HSD17B12: variants seen among roughly 807,000 people sequenced by gnomAD.
HSD17B12 encodes very-long-chain 3-oxoacyl-CoA reductase.
HSD17B12 carries 32 observed loss-of-function variants against 39.3 expected under a neutral mutation model. The observed-to-expected ratio is 0.81, with a 90% CI of 0.61 to 1.09. HSD17B12 has a LOEUF of 1.09. HSD17B12 is among the 50% of genes least tolerant of loss of function. The pLI, the probability that HSD17B12 is intolerant of heterozygous loss-of-function variation, is 0.00. For missense variants in HSD17B12, 342 were observed against 382.9 expected, an observed-to-expected ratio of 0.89 and a Z score of 0.89; for synonymous variants, 150 against 146.7, an observed-to-expected ratio of 1.02 and a Z score of -0.16.
At chr11:43,663,310 G>C in the HSD17B12 span, among the ~76,000 whole-genome samples, 1 of 152,158 alleles carries the variant, frequency 6.6e-6, no homozygotes, top group Non-Finnish European at 1.5e-5. Flanking sequence ...ATGTTGGCCA[G>C]GCTGGTCTCA....
the HSD17B12 span, among the ~76,000 whole-genome samples, chr11:43,563,052 G>A: frequency 6.6e-6 from 1 of 152,176 alleles, no homozygotes; most frequent in Non-Finnish European, 1.5e-5. Context: ...TCTGGAGGCA[G>A]GTATCACTAT....
chr11:43,781,136 C>T (rs771491069), intron 3 of HSD17B12, among the ~76,000 whole-genome samples: 2 of 152,126 alleles, frequency 1.3e-5, no homozygotes, highest in Non-Finnish European at 2.9e-5. Flanking sequence ...TATAAAATTT[C>T]CTCTGAATTC....
chr11:43,762,023 CA>C (rs1950559306), intron 3 of HSD17B12, among the ~76,000 whole-genome samples: 1 of 152,124 alleles, frequency 6.6e-6, no homozygotes, highest in South Asian at 2.1e-4. Context: ...TTGGAAAATA[CA>C]ATCTGCCAGT....
At chr11:43,836,498 C>T (rs1293628784) in intron 7 of HSD17B12, among the ~76,000 whole-genome samples, 2 of 152,052 alleles carry the variant, frequency 1.3e-5, no homozygotes, top group East Asian at 3.9e-4. Context: ...AAATATTTTT[C>T]TCTCTCTTTT....
At chr11:43,737,420 A>G (rs1950326609) in intron 1 of HSD17B12, among the ~76,000 whole-genome samples, 1 of 152,208 alleles carries the variant, frequency 6.6e-6, no homozygotes, top group Admixed American at 6.5e-5. Flanking sequence ...CCAGTATTTT[A>G]TATAATCTGT....
At chr11:43,828,905 C>T (rs980493877) in intron 6 of HSD17B12, among the ~76,000 whole-genome samples, 3 of 152,102 alleles carry the variant, frequency 2.0e-5, no homozygotes, top group African/African-American at 4.8e-5. Context: ...AGAATATTAA[C>T]GATTTGTATA....
Position 43,838,297 on chromosome 11 carries a change from C to A in HSD17B12, c.537-20C>A. ...ATACTGTGGCTTCACTCCTTTTACA[C>A]GGTACATTTTCCTTTTTAGATCCAA... On this transcript the variant is annotated intron_variant, in intron 7 of 10. Transcript: ENST00000278353. The A allele has an allele frequency of 6.4e-7, 1 of 1,567,714 alleles. No homozygotes were observed. The highest frequency in any genetic ancestry group is 8.8e-7 in the Non-Finnish European group (1 of 1,138,188).
At chr11:43,728,489 A>C (rs532219030) in intron 1 of HSD17B12, among the ~76,000 whole-genome samples, 1 of 152,294 alleles carries the variant, frequency 6.6e-6, no homozygotes, top group Non-Finnish European at 1.5e-5. Flanking sequence ...AAAAAAAAGA[A>C]AAGAAAAATT....
chr11:43,745,178 G>C (rs1950402236), intron 1 of HSD17B12, among the ~76,000 whole-genome samples: 1 of 152,246 alleles, frequency 6.6e-6, no homozygotes, highest in Non-Finnish European at 1.5e-5. Context: ...AGAATCTCTA[G>C]ACCTGGCATA....
chr11:43,809,636 T>C lies in HSD17B12; in HGVS notation c.392-5801T>C, dbSNP rs373895379. ...GAGTTCAAGACCAGCCTGACCAACA[T>C]GGAGAAACCCCGTCTCTACTAAAAC... is the stretch of plus-strand genomic sequence containing the variant. On this transcript the variant is annotated intron_variant, in intron 4 of 10. Coordinates refer to ENST00000278353, the MANE Select transcript of HSD17B12 (RefSeq NM_016142.3). Among the ~76,000 whole-genome samples, 359 of 152,136 alleles carry C rather than the reference T, an allele frequency of 2.4e-3. 2 individuals carry two copies. The highest frequency in any genetic ancestry group is 7.9e-3 in the African/African-American group (327 of 41,508).
chr11:43,606,402 G>C, the HSD17B12 span, among the ~76,000 whole-genome samples: 3 of 152,230 alleles, frequency 2.0e-5, no homozygotes, highest in Non-Finnish European at 2.9e-5. Flanking sequence ...TGGAAGTGGA[G>C]TCGGTGATTA....
intron 1 of HSD17B12, among the ~76,000 whole-genome samples, chr11:43,690,805 G>A (rs1396012961): frequency 6.6e-6 from 1 of 152,034 alleles, no homozygotes; most frequent in Non-Finnish European, 1.5e-5. Context: ...TTCCTCATCT[G>A]TAAAATTGGG....
At chr11:43,803,765 T>G (rs1017529329) in intron 4 of HSD17B12, among the ~76,000 whole-genome samples, 3 of 152,180 alleles carry the variant, frequency 2.0e-5, no homozygotes, top group Non-Finnish European at 4.4e-5. Context: ...AGAAGTTGGA[T>G]TCTTAACTCC....
At chr11:43,707,355 T>G (rs1950026093) in intron 1 of HSD17B12, among the ~76,000 whole-genome samples, 1 of 152,226 alleles carries the variant, frequency 6.6e-6, no homozygotes, top group Non-Finnish European at 1.5e-5. Flanking sequence ...GTATCCCTGC[T>G]TCTTTGCATA....
rs1431042668 is a variant in HSD17B12 at position 43,855,369 on chromosome 11, T to C, written c.*121T>C. ...TTCAATAGTTATTAACATGACTAAA[T>C]ATTATCTTAATTAAGAGGAAAATAG... is the stretch of plus-strand genomic sequence containing the variant. On this transcript the variant is annotated 3_prime_UTR_variant, in exon 11 of 11. Transcript: ENST00000278353. 3 of 517,602 alleles carry C rather than the reference T, an allele frequency of 5.8e-6. No homozygotes were observed. Among genetic ancestry groups the C allele is most frequent in the African/African-American group, 3.9e-5 (2 of 50,898 alleles). 32.1% of individuals were successfully genotyped at this position (517,602 alleles called of 1,614,324 possible). A position where few individuals can be genotyped will look rare whatever the true frequency, so the allele number is the denominator to read the frequency against.
chr11:43,826,655 AAT>A (rs10571440), intron 6 of HSD17B12, among the ~76,000 whole-genome samples: 33,744 of 152,124 alleles, frequency 0.22, 3,969 homozygotes, highest in Middle Eastern at 0.37. Flanking sequence ...GAAATCAAAT[AAT>A]ACTTGGAGAT....
intron 2 of HSD17B12, among the ~76,000 whole-genome samples, chr11:43,751,272 T>C (rs190522383): frequency 1.3e-5 from 2 of 152,322 alleles, no homozygotes; most frequent in East Asian, 3.9e-4. Flanking sequence ...AAGTCAATTA[T>C]TTTGAACTAT....
At chr11:43,659,423 C>T in the HSD17B12 span, among the ~76,000 whole-genome samples, 2 of 152,186 alleles carry the variant, frequency 1.3e-5, no homozygotes, top group Non-Finnish European at 2.9e-5. Context: ...CTGGCACTCC[C>T]CAGTGAGATG....
the HSD17B12 span, among the ~76,000 whole-genome samples, chr11:43,615,110 CA>C: frequency 2.0e-4 from 30 of 152,146 alleles, no homozygotes; most frequent in East Asian, 5.6e-3. Context: ...TTTATTCTGT[CA>C]GGTGATTAAC....
Sources: allele counts gnomAD v4.1 joint callset (sites outside exome capture counted in the v4.1 genomes callset), GRCh38; gene constraint gnomAD v4.1.1; transcripts MANE v1.5; gene names NCBI Gene and HGNC (gene_info 2026-07-23, HGNC 2026-07-21).